Variants in SYT2 observed in about 807,000 individuals in gnomAD.
The protein encoded by SYT2 is synaptotagmin-2.
SYT2 carries 15 observed loss-of-function variants against 39.9 expected under a neutral mutation model. The observed-to-expected ratio is 0.38, with a 90% confidence interval of 0.25 to 0.58. The LOEUF is 0.58. SYT2 is among the 20% of genes least tolerant of loss of function. SYT2 has a pLI of 0.70. For missense variants in SYT2, 389 were observed against 530.3 expected (o/e 0.73, Z 2.62); for synonymous variants, 181 against 204.5 (o/e 0.89, Z 0.98).
intron 1 of SYT2, among the ~76,000 whole-genome samples, chr1:202,706,359 C>G (rs760997718): frequency 1.3e-4 from 19 of 151,880 alleles, no homozygotes; most frequent in Non-Finnish European, 2.2e-4. Context: ...CTGGAGAACC[C>G]AAGACAGTGT....
chr1:202,630,348 C>T (rs1266664343), intron 1 of SYT2: 3 of 984,784 alleles, frequency 3.0e-6, no homozygotes, highest in African/African-American at 1.7e-5. Context: ...ACACAGACCC[C>T]AATAGAGCGC....
intron 1 of SYT2, among the ~76,000 whole-genome samples, chr1:202,683,537 G>C (rs2149113699): frequency 6.6e-6 from 1 of 152,166 alleles, no homozygotes; most frequent in South Asian, 2.1e-4. Flanking sequence ...CTAGGAATTT[G>C]AGACTAGCCT....
chr1:202,671,598 T>G (rs988208960), intron 1 of SYT2, among the ~76,000 whole-genome samples: 1 of 152,238 alleles, frequency 6.6e-6, no homozygotes, highest in Non-Finnish European at 1.5e-5. Context: ...GAAATTCAGC[T>G]TGGCTGGGCT....
intron 1 of SYT2, among the ~76,000 whole-genome samples, chr1:202,650,166 A>G (rs1692164003): frequency 6.6e-6 from 1 of 152,242 alleles, no homozygotes; most frequent in East Asian, 1.9e-4. Flanking sequence ...AAGAAGCCCA[A>G]ATAATCAACT....
chr1:202,654,182 C>A (rs955555846), intron 1 of SYT2, among the ~76,000 whole-genome samples: 1 of 152,314 alleles, frequency 6.6e-6, no homozygotes, highest in South Asian at 2.1e-4. Context: ...AAGTGTCTTT[C>A]CCCAAACGGT....
At chr1:202,650,755 A>G (rs529306063) in intron 1 of SYT2, among the ~76,000 whole-genome samples, 11 of 152,320 alleles carry the variant, frequency 7.2e-5, no homozygotes, top group Non-Finnish European at 1.6e-4. Flanking sequence ...CGGGGAAAAC[A>G]GCAGTGTGCA....
intron 1 of SYT2, among the ~76,000 whole-genome samples, chr1:202,696,810 A>C (rs753763248): frequency 7.2e-5 from 11 of 152,200 alleles, no homozygotes; most frequent in Admixed American, 3.3e-4. Flanking sequence ...AACTTTGGAC[A>C]AAAAAAGGCA....
At chr1:202,672,453 T>C (rs1275061726) in intron 1 of SYT2, among the ~76,000 whole-genome samples, 1 of 151,998 alleles carries the variant, frequency 6.6e-6, no homozygotes, top group Non-Finnish European at 1.5e-5. Flanking sequence ...ACTTCCAGTC[T>C]CCGGAACTGT....
intron 1 of SYT2, among the ~76,000 whole-genome samples, chr1:202,705,577 A>C (rs1654227456): frequency 6.6e-6 from 1 of 152,144 alleles, no homozygotes; most frequent in African/African-American, 2.4e-5. Flanking sequence ...CCTGCTACTC[A>C]CATCCTACTT....
At position 202,623,392 on chromosome 1, in the gene SYT2, A is replaced by G. The variant is rs565852725; in HGVS notation, c.-17-17603T>C. 1.1e-4 allele frequency among the ~76,000 whole-genome samples: 16 copies of G among 152,238 alleles called. No individual in the cohort carries two copies. The highest frequency in any genetic ancestry group is 3.4e-4 in the African/African-American group (14 of 41,552). On this transcript the variant is annotated intron_variant, in intron 1 of 8. Coordinates refer to ENST00000367268, the MANE Select transcript of SYT2 (RefSeq NM_177402.5). This position sits in a 1 kb window ranked among gnomAD's most constrained non-coding sequence, Gnocchi z 4.2. ...AGGGGGCTGCCTCTGGCCCCCAGAC[A>G]GGCTGCCTTCCCACCTCCTTCTCCA...
At chr1:202,663,051 T>G (rs116530148) in intron 1 of SYT2, among the ~76,000 whole-genome samples, 103 of 152,296 alleles carry the variant, frequency 6.8e-4, no homozygotes, top group South Asian at 6.0e-3. Flanking sequence ...TCTCTCGGCA[T>G]CATCATGAGT....
chr1:202,600,222 C>T, intron 7 of SYT2, 135 bp downstream of exon 7: 2 of 742,182 alleles, frequency 2.7e-6, no homozygotes, highest in South Asian at 1.7e-5. Context: ...AGCTAAGGCT[C>T]CCCCGCTCCT....
rs930654470 is a variant in SYT2, at chr1:202,601,664, T to C, written c.801+226A>G. 1.3e-5 allele frequency among the ~76,000 whole-genome samples: 2 copies of C among 152,330 alleles called. No individual in the cohort carries two copies. The stretch of plus-strand genomic sequence containing the variant: ...ATACCAGTCGCTGCGCTAGGCGCTT[T>C]ATGCAGGTAATGAATCCTCATCTGT... On this transcript the variant is annotated intron_variant, in intron 6 of 8. Coordinates refer to ENST00000367268, the MANE Select transcript of SYT2 (RefSeq NM_177402.5). This position sits in a 1 kb window ranked among gnomAD's most constrained non-coding sequence, Gnocchi z 4.0.
chr1:202,691,732 GGAGA>G lies in SYT2; in HGVS notation c.-18+18522_-18+18525del, dbSNP rs1164044356. 1.1e-3 allele frequency among the ~76,000 whole-genome samples: 9 copies of G among 8,318 alleles called. No homozygotes were observed. The East Asian group carries it at 0.015, about 14-fold the overall frequency. 5.5% of individuals were successfully genotyped at this position (8,318 alleles called of 152,430 possible). A position where few individuals can be genotyped will look rare whatever the true frequency, so the allele number is the denominator to read the frequency against. ...GAGGGAGAGGGAGAGGGAGAGGGGG[GGAGA>G]GAGAGAGAGAGAGAGAGAGAGAGAG... On this transcript the variant is annotated intron_variant, in intron 1 of 8. Transcript: ENST00000367268.
At chr1:202,640,302 CA>C (rs1691867840) in intron 1 of SYT2, among the ~76,000 whole-genome samples, 3 of 139,392 alleles carry the variant, frequency 2.2e-5, no homozygotes, top group African/African-American at 8.0e-5. Flanking sequence ...CACGGACCAA[CA>C]AAGCCAGAAG....
intron 1 of SYT2, among the ~76,000 whole-genome samples, chr1:202,662,822 C>T (rs1017605086): frequency 4.6e-5 from 7 of 152,110 alleles, no homozygotes; most frequent in African/African-American, 1.7e-4. Flanking sequence ...TACTAATATC[C>T]ATCTAATAAT....
At chr1:202,708,811 G>A (rs1014697732) in intron 1 of SYT2, among the ~76,000 whole-genome samples, 1 of 152,352 alleles carries the variant, frequency 6.6e-6, no homozygotes, top group Admixed American at 6.5e-5. Context: ...GGGGCACTGG[G>A]CATGGCTTTT....
intron 1 of SYT2, among the ~76,000 whole-genome samples, chr1:202,672,005 C>A (rs796385162): frequency 6.6e-5 from 10 of 152,292 alleles, no homozygotes; most frequent in African/African-American, 2.4e-4. Context: ...TGAGAAAGAA[C>A]TGTCAGGAAC....
At chr1:202,650,150 G>T (rs951446171) in intron 1 of SYT2, among the ~76,000 whole-genome samples, 1 of 152,222 alleles carries the variant, frequency 6.6e-6, no homozygotes, top group African/African-American at 2.4e-5. Flanking sequence ...TCTTCCCAGA[G>T]AATCCAAGAA....
Sources: gnomAD v4.1 joint callset for allele counts (sites outside exome capture counted in the v4.1 genomes callset) on GRCh38, gnomAD v4.1.1 for gene constraint, Gnocchi (gnomAD v3.1) non-coding constraint, MANE v1.5 for transcripts, NCBI Gene and HGNC (gene_info 2026-07-23, HGNC 2026-07-21) for gene names.